PTPRD: variants seen among roughly 807,000 people sequenced by gnomAD.
The protein encoded by PTPRD is protein tyrosine phosphatase receptor type D, also known as receptor-type tyrosine-protein phosphatase delta.
PTPRD carries 34 observed loss-of-function variants against 214.5 expected under a neutral mutation model. That is an observed-to-expected ratio of 0.16 (90% CI 0.12 to 0.21). PTPRD has a LOEUF of 0.21. Among genes scored for constraint, PTPRD ranks in the 10% least tolerant of loss-of-function variants. PTPRD has a pLI of 1.00. For synonymous variants in PTPRD, 1,128 were observed against 845.7 expected (o/e 1.33, Z -5.79); for missense variants, 2,545 against 2,398.7 (o/e 1.06, Z -1.27).
chr9:9,533,098 C>CA lies in PTPRD; in HGVS notation c.-237+41633dup, dbSNP rs779300218. Among the ~76,000 whole-genome samples the CA allele has an allele frequency of 2.1e-3, 327 of 152,218 alleles. 4 individuals are homozygous for CA. Among genetic ancestry groups the CA allele is most frequent in the Non-Finnish European group, 1.8e-3 (124 of 67,998 alleles). ...TAAGTGAGCAGCTTATAGCATTTTG[C>CA]ATATAGATAGCAGTGCTATTACTTG... is the stretch of plus-strand genomic sequence containing the variant. On this transcript the variant is annotated intron_variant, in intron 8 of 45. Coordinates refer to ENST00000381196, the MANE Select transcript of PTPRD (RefSeq NM_002839.4).
intron 3 of PTPRD, among the ~76,000 whole-genome samples, chr9:10,196,475 G>C (rs1340757718): frequency 6.6e-6 from 1 of 152,112 alleles, no homozygotes; most frequent in East Asian, 1.9e-4. Context: ...AAGACAAAAT[G>C]TTATGTAACA....
rs1486061682 is a variant in PTPRD at position 9,754,377 on chromosome 9, T to C, written c.-326+12433A>G. 2.6e-5 allele frequency among the ~76,000 whole-genome samples: 4 copies of C among 152,150 alleles called. No individual in the cohort carries two copies. The East Asian group carries it at 7.7e-4, about 29-fold the overall frequency. Reference sequence around the variant, plus strand: ...CAATGGGATTTGTTGAGAAAACTACTGTTCAAGGAGCAAGGAGATGAAATG... The same window carrying C: ...CAATGGGATTTGTTGAGAAAACTACCGTTCAAGGAGCAAGGAGATGAAATG... On this transcript the variant is annotated intron_variant, in intron 6 of 45. Transcript: ENST00000381196.
At chr9:9,902,936 G>T (rs985053499) in intron 5 of PTPRD, among the ~76,000 whole-genome samples, 1 of 152,098 alleles carries the variant, frequency 6.6e-6, no homozygotes, top group African/African-American at 2.4e-5. Context: ...TTGGCTAACA[G>T]TGAAAATAAA....
At chr9:9,513,152 A>G (rs964539984) in intron 8 of PTPRD, among the ~76,000 whole-genome samples, 3 of 151,910 alleles carry the variant, frequency 2.0e-5, no homozygotes, top group African/African-American at 7.2e-5. Context: ...ATTAAACAGT[A>G]TCAGTAAATG....
intron 3 of PTPRD, among the ~76,000 whole-genome samples, chr9:10,208,539 T>G (rs1316746648): frequency 1.3e-5 from 2 of 152,100 alleles, no homozygotes; most frequent in East Asian, 3.9e-4. Context: ...TAAAACCGCT[T>G]GAACAGGAAC....
intron 4 of PTPRD, among the ~76,000 whole-genome samples, chr9:10,023,571 C>T (rs77686479): frequency 6.6e-6 from 1 of 151,886 alleles, no homozygotes; most frequent in Non-Finnish European, 1.5e-5. Flanking sequence ...ATTTTCTTCA[C>T]ATGATCATGA....
chr9:8,359,960 T>C (rs868265892), intron 39 of PTPRD, among the ~76,000 whole-genome samples: 1 of 152,208 alleles, frequency 6.6e-6, no homozygotes, highest in Non-Finnish European at 1.5e-5. Flanking sequence ...TCCCATTGCT[T>C]ACTGCACTAG....
At chr9:10,432,991 C>T (rs980351339) in intron 2 of PTPRD, among the ~76,000 whole-genome samples, 3 of 152,016 alleles carry the variant, frequency 2.0e-5, no homozygotes, top group South Asian at 2.1e-4. Flanking sequence ...CAGGTCCATA[C>T]GTAAGTCCCT....
At chr9:10,070,371 T>G (rs1038456098) in intron 3 of PTPRD, among the ~76,000 whole-genome samples, 2 of 152,032 alleles carry the variant, frequency 1.3e-5, no homozygotes, top group African/African-American at 4.8e-5. Flanking sequence ...TGTATGTACC[T>G]CTTGTTCAAT....
intron 3 of PTPRD, among the ~76,000 whole-genome samples, chr9:10,310,394 A>C (rs770189240): frequency 1.3e-5 from 2 of 152,106 alleles, no homozygotes; most frequent in East Asian, 3.9e-4. Context: ...GGCTTATCAA[A>C]AGAAAAAAAA....
chr9:9,516,591 G>T (rs1225197683), intron 8 of PTPRD, among the ~76,000 whole-genome samples: 1 of 151,694 alleles, frequency 6.6e-6, no homozygotes, highest in African/African-American at 2.4e-5. Flanking sequence ...AGGCTGGAGT[G>T]CAATGGCACT....
At chr9:10,530,740 A>C (rs1488961726) in intron 2 of PTPRD, among the ~76,000 whole-genome samples, 2 of 152,198 alleles carry the variant, frequency 1.3e-5, no homozygotes, top group Non-Finnish European at 2.9e-5. Context: ...ATAAATAATG[A>C]TGACAGTGAA....
chr9:8,388,842 G>GA (rs2088259141), intron 37 of PTPRD, among the ~76,000 whole-genome samples: 1 of 152,130 alleles, frequency 6.6e-6, no homozygotes, highest in Non-Finnish European at 1.5e-5. Flanking sequence ...TTTTAAGAAA[G>GA]AAAAAGTTGA....
In PTPRD at chr9:9,675,973, T is replaced by C. The variant is rs2096920711; in HGVS notation, c.-287+58560A>G. On this transcript the variant is annotated intron_variant, in intron 7 of 45. Transcript: ENST00000381196. ...ATGTTTCAAAAATGCTAAGACTGAG[T>C]TTGATTTACCACATATTGCAAGGGT... Among the ~76,000 whole-genome samples the C allele has an allele frequency of 9.9e-5, 15 of 151,918 alleles. No homozygotes were observed. In the South Asian group the frequency reaches 2.9e-3, roughly 29 times the overall value.
intron 12 of PTPRD, among the ~76,000 whole-genome samples, chr9:8,637,587 T>A (rs1372146505): frequency 1.3e-5 from 2 of 152,240 alleles, no homozygotes; most frequent in African/African-American, 4.8e-5. Flanking sequence ...TAAATGTTCC[T>A]AACATTCTTC....
At chr9:8,395,509 G>A (rs1040669535) in intron 36 of PTPRD, among the ~76,000 whole-genome samples, 12 of 152,100 alleles carry the variant, frequency 7.9e-5, no homozygotes, top group African/African-American at 2.7e-4. Context: ...CTGGTGACAT[G>A]AAGGATTCTT....
intron 5 of PTPRD, among the ~76,000 whole-genome samples, chr9:9,913,373 C>T (rs10978082): frequency 9.2e-5 from 14 of 151,728 alleles, no homozygotes; most frequent in African/African-American, 3.4e-4. Context: ...TTGCAGGAGG[C>T]ATAAAAGTGC....
At chr9:8,589,807 C>A (rs2093958307) in intron 14 of PTPRD, among the ~76,000 whole-genome samples, 1 of 152,156 alleles carries the variant, frequency 6.6e-6, no homozygotes, top group Admixed American at 6.5e-5. Context: ...ACTGTGCCTA[C>A]ACAACCTGTT....
chr9:10,047,994 T>C lies in PTPRD; in HGVS notation c.-544-14204A>G, dbSNP rs139990445. 2.9e-3 allele frequency among the ~76,000 whole-genome samples: 442 copies of C among 152,246 alleles called. 1 individual carries two copies. Among genetic ancestry groups the C allele is most frequent in the African/African-American group, 9.8e-3 (409 of 41,554 alleles). On this transcript the variant is annotated intron_variant, in intron 3 of 45. Coordinates refer to ENST00000381196, the MANE Select transcript of PTPRD (RefSeq NM_002839.4). The stretch of plus-strand genomic sequence containing the variant: ...TCTGATAGTTCCCATTATAACAGAG[T>C]GAACTTTCCAGTTTCCTAAATAAGC...
Sources: allele counts gnomAD v4.1 joint callset (sites outside exome capture counted in the v4.1 genomes callset), GRCh38; gene constraint gnomAD v4.1.1; transcripts MANE v1.5; gene names NCBI Gene and HGNC (gene_info 2026-07-23, HGNC 2026-07-21).